Variants in WDR48 observed in about 807,000 individuals in gnomAD.
WDR48 encodes WD repeat domain 48.
In WDR48, 22 loss-of-function variants were observed where a neutral mutation model predicts 94.0. The observed-to-expected ratio is 0.23, with a 90% CI of 0.17 to 0.33. WDR48 has a LOEUF of 0.33. Ranked by LOEUF, WDR48 falls within the 10% of genes least tolerant of loss-of-function variation. The pLI, the probability that WDR48 is intolerant of heterozygous loss-of-function variation, is 1.00. For missense variants in WDR48, 541 were observed against 813.8 expected (o/e 0.66, Z 4.08); for synonymous variants, 278 against 280.5 (o/e 0.99, Z 0.09).
intron 6 of WDR48, 52 bp downstream of exon 6, chr3:39,068,911 C>T: frequency 1.5e-6 from 2 of 1,292,590 alleles, no homozygotes; most frequent in Non-Finnish European, 2.2e-6. Flanking sequence ...TTTTCACATA[C>T]CTTGTCTCCT....
intron 3 of WDR48, 39 bp downstream of exon 3, chr3:39,065,928 A>G: frequency 1.3e-6 from 2 of 1,497,650 alleles, no homozygotes; most frequent in Non-Finnish European, 1.8e-6. Flanking sequence ...CTTCTGATAT[A>G]TTTTTTGTTT....
chr3:39,085,818 G>C (rs1010064894), intron 14 of WDR48, among the ~76,000 whole-genome samples: 1 of 151,494 alleles, frequency 6.6e-6, no homozygotes, highest in Non-Finnish European at 1.5e-5. Context: ...TTATGATATG[G>C]CTTTTAGTGA....
intron 11 of WDR48, among the ~76,000 whole-genome samples, 165 bp from the exon 12 acceptor site, chr3:39,083,990 A>G (rs1460635661): frequency 6.6e-6 from 1 of 152,202 alleles, no homozygotes; most frequent in Non-Finnish European, 1.5e-5. Context: ...AATTTTTTAT[A>G]GCAGCAGATT....
intron 1 of WDR48, 63 bp from the exon 2 acceptor site, chr3:39,062,987 G>A: frequency 6.3e-7 from 1 of 1,583,192 alleles, no homozygotes; most frequent in Non-Finnish European, 8.6e-7. Context: ...GCCACTAGTA[G>A]ACTATATTTT....
At chr3:39,092,765 A>G (rs1262163138) in intron 17 of WDR48, among the ~76,000 whole-genome samples, 1 of 152,146 alleles carries the variant, frequency 6.6e-6, no homozygotes, top group Non-Finnish European at 1.5e-5. Flanking sequence ...TTATATAGAA[A>G]GAAGCTAGTG....
In WDR48 at chr3:39,063,322, A is replaced by G. The variant is rs900467360; in HGVS notation, c.189+132A>G. The G allele has an allele frequency of 2.6e-5, 30 of 1,148,550 alleles. No homozygotes were observed. In the African/African-American group the frequency reaches 3.9e-4, roughly 15 times the overall value. The allele number at this position is 1,148,550 out of a possible 1,614,324, so 71.1% of individuals were successfully genotyped here. ...GTTATTTGGTACACTCTATAAAGAC[A>G]TCGCAACCAGAATTCTGTAAGCCTC... is the stretch of plus-strand genomic sequence containing the variant. On this transcript the variant is annotated intron_variant, in intron 2 of 18. Transcript: ENST00000302313.
At position 39,085,689 on chromosome 3, in the gene WDR48, T is replaced by C. The variant is rs1018438907; in HGVS notation, c.1474+79T>C. The C allele has an allele frequency of 5.3e-5, 64 of 1,198,680 alleles. No homozygotes were observed. In the African/African-American group the frequency reaches 8.3e-4, roughly 16 times the overall value. The allele number at this position is 1,198,680 out of a possible 1,614,324, so 74.3% of individuals were successfully genotyped here. A position where few individuals can be genotyped will look rare whatever the true frequency, so the allele number is the denominator to read the frequency against. On this transcript the variant is annotated intron_variant, in intron 14 of 18. Transcript: ENST00000302313. ...AGGTACTTACTAAAAGGTACTTACT[T>C]AAACCGTTAGCTAAAATATTTGTGG...
At chr3:39,065,556 CAA>C (rs34404622) in intron 2 of WDR48, among the ~76,000 whole-genome samples, 14 of 116,420 alleles carry the variant, frequency 1.2e-4, no homozygotes, top group Non-Finnish European at 9.4e-5. Context: ...TTTAACAAGG[CAA>C]AAAAAAAAAA....
intron 1 of WDR48, among the ~76,000 whole-genome samples, chr3:39,060,861 G>C (rs963692747): frequency 1.3e-5 from 2 of 152,156 alleles, no homozygotes; most frequent in African/African-American, 4.8e-5. Flanking sequence ...CAGCTACTCA[G>C]GAGGCTGAGG....
At chr3:39,076,017 T>G (rs2034205565) in intron 8 of WDR48, among the ~76,000 whole-genome samples, 1 of 152,144 alleles carries the variant, frequency 6.6e-6, no homozygotes, top group Non-Finnish European at 1.5e-5. Context: ...AGTTTTAAAA[T>G]GGAGGCAGAA....
At position 39,091,696 on chromosome 3, in the gene WDR48, A is replaced by C; in HGVS notation, c.1740A>C (p.Leu580Phe). 6.2e-7 allele frequency: 1 copy of C among 1,602,792 alleles called. No homozygotes were observed. Among genetic ancestry groups the C allele is most frequent in the Non-Finnish European group, 8.5e-7 (1 of 1,176,192 alleles). The stretch of plus-strand genomic sequence containing the variant: ...ATGCATCTTCAGGAGCAAAAACCTT[A>C]AAAAAGTAAGTAAATATATGGTTTC... ...QPHASSGAKT[L>F]KKDRLSASDM... is the part of the protein sequence containing the mutation. The change falls in exon 17 of 19, where the codon TTA (leucine) becomes TTC (phenylalanine). Residue 580 changes from leucine to phenylalanine, a missense_variant. By Grantham distance (22) the Leu-to-Phe change is conservative (BLOSUM62 0). Transcript: ENST00000302313.
At chr3:39,089,930 G>A (rs1056893921) in intron 16 of WDR48, 1 of 152,074 alleles carries the variant, frequency 6.6e-6, no homozygotes, top group African/African-American at 2.4e-5. Flanking sequence ...TGTTTCCAAT[G>A]TTTTCTATTA....
chr3:39,067,720 C>T (rs2033693093), intron 5 of WDR48, among the ~76,000 whole-genome samples: 1 of 152,170 alleles, frequency 6.6e-6, no homozygotes, highest in African/African-American at 2.4e-5. Flanking sequence ...TTGACATAGA[C>T]AATACAGTTT....
chr3:39,078,407 G>C (rs1249969625), intron 10 of WDR48, among the ~76,000 whole-genome samples, 168 bp downstream of exon 10: 1 of 151,832 alleles, frequency 6.6e-6, no homozygotes, highest in East Asian at 1.9e-4. Flanking sequence ...TTGTTTGTTT[G>C]TTTTGCTTTT....
chr3:39,089,711 A>G (rs1022178258), intron 16 of WDR48: 2 of 153,500 alleles, frequency 1.3e-5, no homozygotes, highest in African/African-American at 4.8e-5. Context: ...AGATGTGTCT[A>G]CAGTTCATTT....
Position 39,063,076 on chromosome 3 carries a change from G to A in WDR48, c.75G>A (p.Val25=), listed in dbSNP as rs776522017. ...VQVSYVIRDE[V]EKYNRNGVNA... ...TTTCCTATGTTATTCGAGATGAAGT[G>A]GAGAAGTACAACCGAAATGGAGTCA... Residue 25 remains valine, a synonymous_variant, in exon 2 of 19, where the codon GTG becomes GTA. Coordinates refer to ENST00000302313, the MANE Select transcript of WDR48 (RefSeq NM_020839.4). 2.5e-6 allele frequency: 4 copies of A among 1,614,082 alleles called. No homozygotes were observed. Among genetic ancestry groups the A allele is most frequent in the South Asian group, 1.1e-5 (1 of 91,078 alleles).
At chr3:39,059,234 A>G (rs2033105889) in intron 1 of WDR48, among the ~76,000 whole-genome samples, 1 of 152,186 alleles carries the variant, frequency 6.6e-6, no homozygotes, top group South Asian at 2.1e-4. Context: ...GTTAGACAAG[A>G]TGAAAGCTGG....
At chr3:39,081,254 T>G (rs987107633) in intron 11 of WDR48, among the ~76,000 whole-genome samples, 7 of 152,170 alleles carry the variant, frequency 4.6e-5, no homozygotes, top group Non-Finnish European at 8.8e-5. Context: ...AGAAAAGAGA[T>G]TCACTTAATG....
At chr3:39,057,377 T>C (rs867301685) in intron 1 of WDR48, among the ~76,000 whole-genome samples, 28 of 152,336 alleles carry the variant, frequency 1.8e-4, no homozygotes, top group Middle Eastern at 6.8e-3. Context: ...ATTAGTTACC[T>C]TTAGGGATGA....
Sources: gnomAD v4.1 joint callset for allele counts (sites outside exome capture counted in the v4.1 genomes callset) on GRCh38, gnomAD v4.1.1 for gene constraint, MANE v1.5 for transcripts, NCBI Gene and HGNC (gene_info 2026-07-23, HGNC 2026-07-21) for gene names.